Variants in OSBPL9 observed in about 807,000 individuals in gnomAD.
The protein encoded by OSBPL9 is oxysterol binding protein like 9.
A neutral mutation model predicts 106.6 loss-of-function variants in OSBPL9; 40 were observed. That is an observed-to-expected ratio of 0.38 (90% CI 0.29 to 0.49). The LOEUF (loss-of-function observed/expected upper bound fraction) is 0.49, where lower values mean the gene tolerates loss of function less well. Ranked by LOEUF, OSBPL9 falls within the 20% of genes least tolerant of loss-of-function variation. OSBPL9 has a pLI of 0.97. For missense variants in OSBPL9, 609 were observed against 887.2 expected (o/e 0.69, Z 3.98); for synonymous variants, 269 against 295.4 (o/e 0.91, Z 0.92).
intron 1 of OSBPL9, among the ~76,000 whole-genome samples, chr1:51,645,347 T>C (rs976371677): frequency 3.3e-5 from 5 of 152,174 alleles, no homozygotes; most frequent in African/African-American, 1.2e-4. Context: ...GGTTGTCTTT[T>C]TATTGTTGAG....
At chr1:51,576,231 G>T (rs1215519218), upstream of OSBPL9, among the ~76,000 whole-genome samples, 1 of 152,152 alleles carries the variant, frequency 6.6e-6, no homozygotes, top group African/African-American at 2.4e-5. Flanking sequence ...CTCTTTCAAG[G>T]TCATGGTAAT....
rs768788266 is a variant in OSBPL9 at position 51,783,995 on chromosome 1, A to C, written c.1594A>C (p.Met532Leu). ...HIWTKSKFLG[M>L]SIGVHNIGQG... ...CTGGACCAAATCAAAATTCCTTGGG[A>C]TGTCAATTGGGGTGCACAACATAGG... Residue 532 changes from methionine to leucine, a missense_variant, in exon 18 of 24, where the codon ATG becomes CTG. Transcript: ENST00000428468. 6.2e-7 allele frequency: 1 copy of C among 1,613,600 alleles called. No individual in the cohort carries two copies. Among genetic ancestry groups the C allele is most frequent in the East Asian group, 2.2e-5 (1 of 44,890 alleles).
chr1:51,665,965 G>A (rs772570702), intron 2 of OSBPL9, among the ~76,000 whole-genome samples: 9 of 151,628 alleles, frequency 5.9e-5, no homozygotes, highest in South Asian at 2.1e-4. Flanking sequence ...CTCCTGCCTC[G>A]GCCTCCTGAG....
At chr1:51,747,301 T>G (rs1309615410) in intron 6 of OSBPL9, among the ~76,000 whole-genome samples, 2 of 152,230 alleles carry the variant, frequency 1.3e-5, no homozygotes, top group African/African-American at 4.8e-5. Context: ...CTGTATCATA[T>G]TCCTAGGAGT....
chr1:51,544,477 C>T, the OSBPL9 span, among the ~76,000 whole-genome samples: 6 of 152,134 alleles, frequency 3.9e-5, no homozygotes, highest in Admixed American at 2.6e-4. Flanking sequence ...AACATTGATT[C>T]GATCAGCGTG....
upstream of OSBPL9, among the ~76,000 whole-genome samples, chr1:51,574,790 C>G (rs1041944906): frequency 1.3e-5 from 2 of 151,770 alleles, no homozygotes; most frequent in Non-Finnish European, 2.9e-5. Context: ...ATAAAATCAG[C>G]TCACCAAGTA....
intron 1 of OSBPL9, among the ~76,000 whole-genome samples, chr1:51,637,772 C>T (rs1645542025): frequency 6.6e-6 from 1 of 152,226 alleles, no homozygotes; most frequent in Non-Finnish European, 1.5e-5. Flanking sequence ...TACATTTATT[C>T]TCTGAATGCA....
At position 51,591,108 on chromosome 1, in the gene OSBPL9, T is replaced by C. The variant is rs571266828; in HGVS notation, c.-422-7016T>C. Among the ~76,000 whole-genome samples, 5 of 152,084 alleles carry C rather than the reference T, an allele frequency of 3.3e-5. No homozygotes were observed. In the East Asian group the frequency reaches 7.8e-4, roughly 24 times the overall value. On this transcript the variant is annotated intron_variant, in intron 1 of 25. Coordinates refer to the OSBPL9 transcript ENST00000371714. ...TAATTTTTTGTATTTTTAGTAGAGA[T>C]GGGGTTTCACCATGTTAGCCAGGAT... is the stretch of plus-strand genomic sequence containing the variant.
chr1:51,744,833 G>A (rs1326450114), intron 4 of OSBPL9, among the ~76,000 whole-genome samples: 3 of 152,124 alleles, frequency 2.0e-5, no homozygotes, highest in African/African-American at 4.8e-5. Context: ...AACTCTTTAC[G>A]TATGCAAAAA....
In OSBPL9 at chr1:51,771,964, A is replaced by C. The variant is rs1230738029; in HGVS notation, c.939-106A>C. On this transcript the variant is annotated intron_variant, in intron 12 of 23. Transcript: ENST00000428468. ...GAGACCTTGTCATCAAGAGAATTCT[A>C]AAGCATATATATGCATGCATGTAAC... 4.1e-6 allele frequency: 3 copies of C among 733,418 alleles called. No individual in the cohort carries two copies. In the African/African-American group the frequency reaches 5.4e-5, roughly 13 times the overall value. 45.4% of individuals were successfully genotyped at this position (733,418 alleles called of 1,614,324 possible). A position where few individuals can be genotyped will look rare whatever the true frequency, so the allele number is the denominator to read the frequency against.
chr1:51,784,384 C>T, intron 19 of OSBPL9, 57 bp downstream of exon 19: 1 of 1,610,708 alleles, frequency 6.2e-7, no homozygotes, highest in Non-Finnish European at 8.5e-7. Flanking sequence ...TTGAGACATG[C>T]CCCTTCCCCC....
intron 1 of OSBPL9, among the ~76,000 whole-genome samples, chr1:51,628,455 G>A (rs1009983746): frequency 1.3e-4 from 19 of 151,312 alleles, no homozygotes; most frequent in African/African-American, 2.7e-4. Flanking sequence ...GCAGTGGCTC[G>A]TGCCTGTAAT....
At chr1:51,552,038 A>G in the OSBPL9 span, among the ~76,000 whole-genome samples, 1 of 151,550 alleles carries the variant, frequency 6.6e-6, no homozygotes, top group Non-Finnish European at 1.5e-5. Context: ...CCAATTTAGC[A>G]AATATTTGTT....
chr1:51,578,933 G>C (rs1050652827), intron 1 of OSBPL9, among the ~76,000 whole-genome samples: 2 of 152,142 alleles, frequency 1.3e-5, no homozygotes, highest in Non-Finnish European at 2.9e-5. Flanking sequence ...TTCAGAGAAG[G>C]CATGCCTGAA....
upstream of OSBPL9, among the ~76,000 whole-genome samples, chr1:51,574,897 T>A (rs568760734): frequency 2.1e-4 from 32 of 152,366 alleles, no homozygotes; most frequent in African/African-American, 7.2e-4. Context: ...TTAAACTTTT[T>A]AATCTCTTTC....
rs869092922 is a variant in OSBPL9 at position 51,767,936 on chromosome 1, C to CTTTTTTTTTTTTTTT, written c.938+1968_938+1982dup. The stretch of plus-strand genomic sequence containing the variant: ...TATTTAAAAGAGAATTAAAGACCGT[C>CTTTTTTTTTTTTTTT]TTTTTTTTTTTTTTTTTTTTTTTTT... On this transcript the variant is annotated intron_variant, in intron 12 of 23. Transcript: ENST00000428468. Among the ~76,000 whole-genome samples the CTTTTTTTTTTTTTTT allele has an allele frequency of 1.4e-4, 9 of 65,052 alleles. 1 individual carries two copies. The highest frequency in any genetic ancestry group is 5.3e-4 in the East Asian group (1 of 1,888). 42.7% of individuals were successfully genotyped at this position (65,052 alleles called of 152,430 possible).
chr1:51,638,313 G>A (rs1557621810), intron 1 of OSBPL9, among the ~76,000 whole-genome samples: 1 of 152,180 alleles, frequency 6.6e-6, no homozygotes, highest in Admixed American at 6.5e-5. Flanking sequence ...GACTACTCAA[G>A]AGTTTTTGTT....
intron 11 of OSBPL9, 123 bp from the exon 12 acceptor site, chr1:51,765,699 G>A (rs893743521): frequency 7.2e-6 from 6 of 830,686 alleles, no homozygotes; most frequent in Admixed American, 3.3e-5. Context: ...TATAAATACT[G>A]TAGCGACTTT....
chr1:51,761,095 A>T (rs761274207), intron 10 of OSBPL9, among the ~76,000 whole-genome samples: 4 of 152,210 alleles, frequency 2.6e-5, no homozygotes, highest in Non-Finnish European at 5.9e-5. Flanking sequence ...AAAAATTACT[A>T]TACCTTATTC....
Sources: allele counts gnomAD v4.1 joint callset (sites outside exome capture counted in the v4.1 genomes callset), GRCh38; gene constraint gnomAD v4.1.1; transcripts MANE v1.5; gene names NCBI Gene and HGNC (gene_info 2026-07-23, HGNC 2026-07-21).